The following SF3B3 variants were observed in gnomAD, a reference collection of about 807,000 sequenced individuals.
SF3B3 encodes the protein SAP 130.
A neutral mutation model predicts 139.2 loss-of-function variants in SF3B3; 33 were observed. The ratio of observed to expected loss-of-function variants is 0.24; its 90% confidence interval spans 0.18 to 0.32. SF3B3 has a LOEUF of 0.32. SF3B3 is among the 10% of genes least tolerant of loss of function. The probability of loss-of-function intolerance (pLI) is 1.00; values close to 1 mark genes in which losing one functional copy is unlikely to be tolerated. For missense variants in SF3B3, 818 were observed against 1,509.4 expected, an observed-to-expected ratio of 0.54 and a Z score of 7.59; for synonymous variants, 596 against 563.6, an observed-to-expected ratio of 1.06 and a Z score of -0.81.
rs1567425648 is a variant in SF3B3 at position 70,567,443 on chromosome 16, C to G, written c.2859C>G (p.Ala953=). The G allele has an allele frequency of 5.0e-6, 8 of 1,613,988 alleles. No individual in the cohort carries two copies. Among genetic ancestry groups the G allele is most frequent in the Middle Eastern group, 1.7e-4 (1 of 6,060 alleles). The stretch of plus-strand genomic sequence containing the variant: ...TGGAAGAGGTCCCTGCTGCTATTGC[C>G]CCATTCCAGGGGAGGGTGTTGATTG... ...TPVEEVPAAI[A]PFQGRVLIGV... Residue 953 remains alanine, a synonymous_variant, in exon 21 of 26, where the codon GCC becomes GCG. Coordinates refer to ENST00000302516, the MANE Select transcript of SF3B3 (RefSeq NM_012426.5).
At chr16:70,560,410 T>C in intron 15 of SF3B3, 59 bp from the exon 16 acceptor site, 1 of 1,582,710 alleles carries the variant, frequency 6.3e-7, no homozygotes, top group Non-Finnish European at 8.6e-7. Flanking sequence ...GGGAGAGGTT[T>C]TCCCATCATA....
chr16:70,529,338 T>A, intron 3 of SF3B3, 139 bp downstream of exon 3: 1 of 682,080 alleles, frequency 1.5e-6, no homozygotes, highest in Non-Finnish European at 2.4e-6. Flanking sequence ...AAAGTTGCAT[T>A]TCCTTTTTAA....
intron 10 of SF3B3, 110 bp from the exon 11 acceptor site, chr16:70,548,260 C>A: frequency 1.2e-6 from 1 of 845,656 alleles, no homozygotes; most frequent in Non-Finnish European, 2.0e-6. Flanking sequence ...CCTTTAAATA[C>A]AGCATACGTT....
chr16:70,570,209 T>A, intron 24 of SF3B3, 60 bp downstream of exon 24: 1 of 1,528,162 alleles, frequency 6.5e-7, no homozygotes, highest in Non-Finnish European at 9.0e-7. Flanking sequence ...GTGCTGGATC[T>A]ACCTAAGAGG....
chr16:70,549,459 T>C (rs2050300290), intron 11 of SF3B3, among the ~76,000 whole-genome samples: 1 of 152,200 alleles, frequency 6.6e-6, no homozygotes, highest in African/African-American at 2.4e-5. Context: ...TTATGTGTAG[T>C]ATCTACATAG....
rs758188648 is a variant in SF3B3 at position 70,571,562 on chromosome 16, C to T, written c.3514-111C>T. ...CCCGGATGATAGGGTGAGACCCTGT[C>T]TCAAAAACTAAAAAATAAAAACAGC... On this transcript the variant is annotated intron_variant, in intron 25 of 25. Transcript: ENST00000302516. 8.3e-6 allele frequency: 10 copies of T among 1,207,830 alleles called. No individual in the cohort carries two copies. In the East Asian group the frequency reaches 1.8e-4, roughly 21 times the overall value. 74.8% of individuals were successfully genotyped at this position (1,207,830 alleles called of 1,614,324 possible).
intron 13 of SF3B3, among the ~76,000 whole-genome samples, chr16:70,555,500 A>AT (rs1555500454): frequency 7.1e-6 from 1 of 141,466 alleles, no homozygotes; most frequent in African/African-American, 2.6e-5. Flanking sequence ...AAAAAAAAAA[A>AT]GCGAGCTGGA....
intron 6 of SF3B3, chr16:70,537,877 C>T (rs2151780122): frequency 2.8e-6 from 1 of 360,004 alleles, no homozygotes; most frequent in South Asian, 2.2e-5. Context: ...AGTTAGAGAC[C>T]AGTCTGGGCA....
intron 24 of SF3B3, among the ~76,000 whole-genome samples, chr16:70,570,659 G>A (rs1274522375): frequency 6.6e-6 from 1 of 152,162 alleles, no homozygotes; most frequent in East Asian, 1.9e-4. Context: ...GTGTCCCAGG[G>A]TTTGCTTCAG....
chr16:70,564,369 C>G (rs2050456237), intron 18 of SF3B3, among the ~76,000 whole-genome samples: 1 of 152,192 alleles, frequency 6.6e-6, no homozygotes, highest in East Asian at 1.9e-4. Context: ...GAGACTCTAT[C>G]AAAAGTTTAA....
intron 9 of SF3B3, among the ~76,000 whole-genome samples, chr16:70,542,807 C>T (rs554704637): frequency 2.1e-4 from 32 of 151,270 alleles, no homozygotes; most frequent in Non-Finnish European, 4.4e-4. Flanking sequence ...CTGCAAGTTC[C>T]GCCTCCCAGG....
At chr16:70,557,497 C>G (rs1293700507) in intron 15 of SF3B3, among the ~76,000 whole-genome samples, 3 of 152,190 alleles carry the variant, frequency 2.0e-5, no homozygotes, top group Non-Finnish European at 2.9e-5. Flanking sequence ...TTTCATTTTC[C>G]TTAATGATTA....
chr16:70,558,882 A>G (rs1039596406), intron 15 of SF3B3, among the ~76,000 whole-genome samples: 5 of 152,182 alleles, frequency 3.3e-5, no homozygotes, highest in African/African-American at 1.2e-4. Flanking sequence ...CAGGTGTGAG[A>G]CACCATGCCT....
intron 10 of SF3B3, among the ~76,000 whole-genome samples, chr16:70,545,980 TTTG>T (rs929016158): frequency 9.9e-5 from 15 of 152,184 alleles, no homozygotes; most frequent in East Asian, 3.8e-4. Flanking sequence ...TTTTTGGTTT[TTTG>T]TTGTTGTTGT....
At chr16:70,546,278 A>G (rs2050267730) in intron 10 of SF3B3, among the ~76,000 whole-genome samples, 1 of 152,198 alleles carries the variant, frequency 6.6e-6, no homozygotes, top group Non-Finnish European at 1.5e-5. Context: ...GCCAAGAGCC[A>G]TTGCTCTTGA....
At position 70,571,894 on chromosome 16, in the gene SF3B3, A is replaced by G; in HGVS notation, c.*81A>G. Reference sequence around the variant, plus strand: ...CCATCACTGCCACCTGGCTTCTGCCATGTGGCAGGAGGGTGACTGGATAAT... The same window carrying G: ...CCATCACTGCCACCTGGCTTCTGCCGTGTGGCAGGAGGGTGACTGGATAAT... On this transcript the variant is annotated 3_prime_UTR_variant, in exon 26 of 26. Transcript: ENST00000302516. 2 of 1,501,758 alleles carry G rather than the reference A, an allele frequency of 1.3e-6. No individual in the cohort carries two copies. Among genetic ancestry groups the G allele is most frequent in the Non-Finnish European group, 1.8e-6 (2 of 1,109,496 alleles). 93.0% of individuals were successfully genotyped at this position (1,501,758 alleles called of 1,614,324 possible).
At chr16:70,554,992 T>C in intron 12 of SF3B3, 59 bp from the exon 13 acceptor site, 1 of 1,521,780 alleles carries the variant, frequency 6.6e-7, no homozygotes, top group Non-Finnish European at 9.0e-7. Context: ...GATGTGAGGG[T>C]CATTCTGAGT....
At chr16:70,526,301 A>G (rs1354230941) in intron 1 of SF3B3, among the ~76,000 whole-genome samples, 2 of 151,860 alleles carry the variant, frequency 1.3e-5, no homozygotes, top group African/African-American at 4.8e-5. Flanking sequence ...TCCGCCTCCC[A>G]GGTTCAAGCG....
In SF3B3 at chr16:70,561,611, G is replaced by GTTT; in HGVS notation, c.2134-11_2134-9dup. ...TTTTCCCAAACCTTATTGGAGCTGGGTTTTTTTTTTCCCCTCAGGTATTGG... is the reference window on the plus strand; with the variant it reads ...TTTTCCCAAACCTTATTGGAGCTGGGTTTTTTTTTTTTTCCCCTCAGGTATTGG... On this transcript the variant is annotated intron_variant, in intron 16 of 25. Coordinates refer to ENST00000302516, the MANE Select transcript of SF3B3 (RefSeq NM_012426.5). 1.4e-6 allele frequency: 2 copies of GTTT among 1,470,058 alleles called. No individual in the cohort carries two copies. The highest frequency in any genetic ancestry group is 1.9e-6 in the Non-Finnish European group (2 of 1,076,698). 91.1% of individuals were successfully genotyped at this position (1,470,058 alleles called of 1,614,324 possible). A position where few individuals can be genotyped will look rare whatever the true frequency, so the allele number is the denominator to read the frequency against.
Sources: allele counts gnomAD v4.1 joint callset (sites outside exome capture counted in the v4.1 genomes callset), GRCh38; gene constraint gnomAD v4.1.1; transcripts MANE v1.5; gene names NCBI Gene and HGNC (gene_info 2026-07-23, HGNC 2026-07-21).